Variants in CCDC170 observed in about 807,000 individuals in gnomAD.
CCDC170 encodes coiled-coil domain containing 170.
In CCDC170, 69 loss-of-function variants were observed where a neutral mutation model predicts 72.6. The ratio of observed to expected loss-of-function variants is 0.95; its 90% CI spans 0.78 to 1.16. The LOEUF (loss-of-function observed/expected upper bound fraction) is 1.16, where lower values mean the gene tolerates loss of function less well. Ranked by LOEUF, CCDC170 falls within the 50% of genes most tolerant of loss-of-function variation. CCDC170 has a pLI of 0.00. For synonymous variants in CCDC170, 300 were observed against 303.9 expected (o/e 0.99, Z 0.13); for missense variants, 852 against 832.5 (o/e 1.02, Z -0.29).
At chr6:151,606,187 C>A (rs1259866806) in intron 9 of CCDC170, among the ~76,000 whole-genome samples, 2 of 152,212 alleles carry the variant, frequency 1.3e-5, no homozygotes, top group African/African-American at 4.8e-5. Context: ...CAGGCGTGAG[C>A]CACTGCACCT....
intron 6 of CCDC170, among the ~76,000 whole-genome samples, chr6:151,583,666 CA>C (rs1776410586): frequency 6.6e-6 from 1 of 152,070 alleles, no homozygotes; most frequent in Non-Finnish European, 1.5e-5. Context: ...CCATGTTGGC[CA>C]GGCTGGTCTT....
rs143886305 is a variant in CCDC170, at chr6:151,529,406, C to T, written c.58-6912C>T. 7.0e-3 allele frequency among the ~76,000 whole-genome samples: 1,066 copies of T among 152,264 alleles called. 15 individuals carry two copies. Among genetic ancestry groups the T allele is most frequent in the African/African-American group, 0.024 (982 of 41,544 alleles). ...GGGCATAGTGACTCACACCTGTAAT[C>T]GCAGCACTTTGGGAGGCTGTGGTGG... is the stretch of plus-strand genomic sequence containing the variant. On this transcript the variant is annotated intron_variant, in intron 1 of 10. Transcript: ENST00000239374.
In CCDC170 at chr6:151,619,152, G is replaced by C. The variant is rs952529917; in HGVS notation, c.*1005G>C. ...AGGTCTCAGGTCCTGTAAGAAACTT[G>C]CCTGTTCTAACTGTTGCTACCAGAT... is the stretch of plus-strand genomic sequence containing the variant. On this transcript the variant is annotated 3_prime_UTR_variant, in exon 11 of 11. Coordinates refer to ENST00000239374, the MANE Select transcript of CCDC170 (RefSeq NM_025059.4). 6 of 151,954 alleles carry C rather than the reference G, an allele frequency of 3.9e-5. No individual in the cohort carries two copies. The highest frequency in any genetic ancestry group is 8.8e-5 in the Non-Finnish European group (6 of 68,012). The allele number at this position is 151,954 out of a possible 1,614,324, so 9.4% of individuals were successfully genotyped here. A position where few individuals can be genotyped will look rare whatever the true frequency, so the allele number is the denominator to read the frequency against.
intron 9 of CCDC170, among the ~76,000 whole-genome samples, chr6:151,611,145 G>A (rs890688910): frequency 1.3e-5 from 2 of 152,060 alleles, no homozygotes; most frequent in South Asian, 2.1e-4. Context: ...GAGTGGTGGC[G>A]TGCGCCTGCA....
intron 7 of CCDC170, among the ~76,000 whole-genome samples, chr6:151,590,743 T>C (rs1302400931): frequency 6.6e-6 from 1 of 152,186 alleles, no homozygotes; most frequent in Non-Finnish European, 1.5e-5. Context: ...CTCTTTGGGG[T>C]CTCGGCTTGC....
intron 1 of CCDC170, among the ~76,000 whole-genome samples, chr6:151,520,007 T>A (rs1189225177): frequency 1.3e-5 from 2 of 152,198 alleles, no homozygotes; most frequent in African/African-American, 2.4e-5. Flanking sequence ...TCCTATCTCA[T>A]CCTGTGATAA....
intron 1 of CCDC170, among the ~76,000 whole-genome samples, chr6:151,535,696 T>C (rs1782563857): frequency 6.6e-6 from 1 of 152,218 alleles, no homozygotes; most frequent in Non-Finnish European, 1.5e-5. Context: ...CTATTGATTC[T>C]GGGCAGAGGT....
At chr6:151,571,848 A>G (rs1486937098) in intron 5 of CCDC170, among the ~76,000 whole-genome samples, 1 of 152,038 alleles carries the variant, frequency 6.6e-6, no homozygotes, top group East Asian at 1.9e-4. Flanking sequence ...CTAATTTCAC[A>G]TGTTATGTTC....
At chr6:151,576,970 C>T (rs1181418076) in intron 6 of CCDC170, among the ~76,000 whole-genome samples, 1 of 152,120 alleles carries the variant, frequency 6.6e-6, no homozygotes, top group African/African-American at 2.4e-5. Flanking sequence ...CTTGTTTACC[C>T]CTGTGCTATC....
At chr6:151,514,128 T>TC (rs548029574) in intron 1 of CCDC170, among the ~76,000 whole-genome samples, 12 of 150,974 alleles carry the variant, frequency 7.9e-5, no homozygotes, top group Non-Finnish European at 1.5e-4. Context: ...ATGGTGAAAC[T>TC]CCATCTCTAA....
chr6:151,602,919 GC>G (rs1363696626), intron 9 of CCDC170, among the ~76,000 whole-genome samples: 3 of 151,690 alleles, frequency 2.0e-5, no homozygotes, highest in Non-Finnish European at 4.4e-5. Flanking sequence ...TCCTGCTTCA[GC>G]CTCTTGAGTT....
rs538092824 is a variant in CCDC170, at chr6:151,503,625, G to A, written c.57+9440G>A. ...GCACCACCACGCCCAGCAAATTTTT[G>A]TATTTTTAGTAGAGATGGGGTTTCA... On this transcript the variant is annotated intron_variant, in intron 1 of 10. Transcript: ENST00000239374. 1.3e-3 allele frequency among the ~76,000 whole-genome samples: 194 copies of A among 151,826 alleles called. 1 individual carries two copies. The highest frequency in any genetic ancestry group is 4.2e-3 in the African/African-American group (173 of 41,414).
intron 1 of CCDC170, among the ~76,000 whole-genome samples, chr6:151,535,058 T>C (rs1055327913): frequency 6.6e-6 from 1 of 152,208 alleles, no homozygotes; most frequent in Non-Finnish European, 1.5e-5. Context: ...ATGAGTCAGA[T>C]GGAAACAGGA....
chr6:151,599,997 T>C (rs1776679911), intron 9 of CCDC170, among the ~76,000 whole-genome samples: 1 of 152,328 alleles, frequency 6.6e-6, no homozygotes, highest in African/African-American at 2.4e-5. Flanking sequence ...AGGAAAGGTA[T>C]AGGAGAGACT....
intron 1 of CCDC170, among the ~76,000 whole-genome samples, chr6:151,501,375 A>T (rs759807058): frequency 6.6e-6 from 1 of 152,236 alleles, no homozygotes; most frequent in Non-Finnish European, 1.5e-5. Flanking sequence ...TAGTGTTGTA[A>T]CAATGTCAAT....
chr6:151,516,034 C>G lies in CCDC170; in HGVS notation c.58-20284C>G, dbSNP rs918360648. Among the ~76,000 whole-genome samples, 4 of 151,434 alleles carry G rather than the reference C, an allele frequency of 2.6e-5. No homozygotes were observed. In the East Asian group the frequency reaches 7.7e-4, roughly 29 times the overall value. On this transcript the variant is annotated intron_variant, in intron 1 of 10. Transcript: ENST00000239374. ...TGAGCTGAGATCGCGCCACTGCACT[C>G]CAGCCTGGTGACAGAGCAAGATTCT...
chr6:151,562,005 A>G (rs57382127), intron 5 of CCDC170, among the ~76,000 whole-genome samples: 7,858 of 152,192 alleles, frequency 0.052, 302 homozygotes, highest in East Asian at 0.21. Flanking sequence ...TGCTTAGTGT[A>G]ATCTATTATT....
At chr6:151,582,766 G>A (rs1224721105) in intron 6 of CCDC170, among the ~76,000 whole-genome samples, 2 of 152,098 alleles carry the variant, frequency 1.3e-5, no homozygotes, top group African/African-American at 2.4e-5. Context: ...AGAGAGAGGA[G>A]GAGGTGCCAG....
chr6:151,585,899 A>G lies in CCDC170; in HGVS notation c.1103A>G (p.Gln368Arg), dbSNP rs771856634. Residue 368 changes from glutamine to arginine, a missense_variant, in exon 7 of 11, where the codon CAG becomes CGG. Gln to Arg is a conservative substitution (Grantham distance 43, BLOSUM62 1). Transcript: ENST00000239374. ...TTTCTTTGTTTCCAGATGGTCTCCC[A>G]GCTTGAAGCCCAAATATCTGAGCTT... is the stretch of plus-strand genomic sequence containing the variant. ...REESRDRMVSQLEAQISELVE... is the reference protein window; with the variant it reads ...REESRDRMVSRLEAQISELVE... The G allele has an allele frequency of 4.3e-6, 7 of 1,613,388 alleles. No homozygotes were observed. The African/African-American group carries it at 9.3e-5, about 22-fold the overall frequency.
Sources: gnomAD v4.1 joint callset for allele counts (sites outside exome capture counted in the v4.1 genomes callset) on GRCh38, gnomAD v4.1.1 for gene constraint, MANE v1.5 for transcripts, NCBI Gene and HGNC (gene_info 2026-07-23, HGNC 2026-07-21) for gene names.